NEDD4: variants seen among roughly 807,000 people sequenced by gnomAD.
The protein encoded by NEDD4 is NEDD4 E3 ubiquitin protein ligase.
NEDD4 carries 99 observed loss-of-function variants against 144.9 expected under a neutral mutation model. The ratio of observed to expected loss-of-function variants is 0.68; its 90% CI spans 0.58 to 0.81. The LOEUF (loss-of-function observed/expected upper bound fraction) is 0.81, where lower values mean the gene tolerates loss of function less well. Among genes scored for constraint, NEDD4 ranks in the 30% least tolerant of loss-of-function variants. The pLI, the probability that NEDD4 is intolerant of heterozygous loss-of-function variation, is 0.00. For synonymous variants in NEDD4, 318 were observed against 350.6 expected (o/e 0.91, Z 1.04); for missense variants, 985 against 1,065.9 (o/e 0.92, Z 1.06).
chr15:55,845,521 T>A (rs2033703774), intron 18 of NEDD4, among the ~76,000 whole-genome samples: 1 of 150,758 alleles, frequency 6.6e-6, no homozygotes, highest in Admixed American at 6.7e-5. Context: ...ATTGCTTTTA[T>A]CATGGTTTTT....
intron 27 of NEDD4, among the ~76,000 whole-genome samples, chr15:55,832,068 C>T (rs530081111): frequency 6.6e-5 from 10 of 151,332 alleles, no homozygotes; most frequent in South Asian, 2.1e-4. Flanking sequence ...CTTACTTTAC[C>T]GAAAACTGCA....
chr15:55,963,811 G>A (rs1234206116), intron 2 of NEDD4, among the ~76,000 whole-genome samples: 1 of 152,092 alleles, frequency 6.6e-6, no homozygotes, highest in African/African-American at 2.4e-5. Context: ...TTACAGCACA[G>A]GTCTGCCAAT....
At chr15:55,975,991 C>G (rs574353336) in intron 1 of NEDD4, among the ~76,000 whole-genome samples, 2 of 152,266 alleles carry the variant, frequency 1.3e-5, no homozygotes, top group South Asian at 2.1e-4. Context: ...CTATAGTGAA[C>G]TCCTTTTTGA....
At chr15:55,841,592 CT>C (rs1200976078) in intron 19 of NEDD4, among the ~76,000 whole-genome samples, 16 of 149,160 alleles carry the variant, frequency 1.1e-4, no homozygotes, top group Admixed American at 2.0e-4. Context: ...AAAATGGTAA[CT>C]TTTTTTTTTA....
chr15:55,880,792 G>C (rs1356469583), intron 5 of NEDD4, among the ~76,000 whole-genome samples: 8 of 152,176 alleles, frequency 5.3e-5, no homozygotes, highest in Admixed American at 2.0e-4. Context: ...GAAGAGTAGG[G>C]ATAATCATAT....
intron 2 of NEDD4, among the ~76,000 whole-genome samples, chr15:55,952,019 T>TA (rs761093380): frequency 0.015 from 2,040 of 139,418 alleles, 17 homozygotes; most frequent in Non-Finnish European, 0.019. Context: ...TGCTTTCACT[T>TA]AAAAAAAAAA....
At chr15:55,909,601 C>T (rs567223600) in intron 5 of NEDD4, among the ~76,000 whole-genome samples, 21 of 152,164 alleles carry the variant, frequency 1.4e-4, no homozygotes, top group Admixed American at 3.3e-4. Flanking sequence ...CTCAACACAT[C>T]GCCTGGCCTC....
At chr15:55,841,426 A>G (rs1291443226) in intron 19 of NEDD4, among the ~76,000 whole-genome samples, 1 of 152,214 alleles carries the variant, frequency 6.6e-6, no homozygotes, top group Non-Finnish European at 1.5e-5. Context: ...AGGGACAGAA[A>G]GCAGAATGGT....
intron 4 of NEDD4, among the ~76,000 whole-genome samples, chr15:55,932,496 T>C (rs1282387922): frequency 1.3e-5 from 2 of 152,312 alleles, no homozygotes; most frequent in East Asian, 1.9e-4. Context: ...ATCCCTTCCT[T>C]ACACCTTATA....
intron 2 of NEDD4, among the ~76,000 whole-genome samples, chr15:55,963,375 G>A (rs1441627298): frequency 2.0e-5 from 3 of 151,820 alleles, no homozygotes; most frequent in Non-Finnish European, 4.4e-5. Context: ...CAAGTTCCTG[G>A]CTTTTTTATT....
chr15:55,892,523 G>T (rs1566936297), intron 5 of NEDD4, among the ~76,000 whole-genome samples: 1 of 151,742 alleles, frequency 6.6e-6, no homozygotes, highest in African/African-American at 2.4e-5. Flanking sequence ...AGTATAATTT[G>T]TTTTTTCAGT....
chr15:55,929,979 G>A (rs1327985188), intron 4 of NEDD4, among the ~76,000 whole-genome samples: 1 of 152,008 alleles, frequency 6.6e-6, no homozygotes, highest in Non-Finnish European at 1.5e-5. Flanking sequence ...AAAATTTGTG[G>A]AAATCTCCCC....
Position 55,848,439 on chromosome 15 carries a change from A to G in NEDD4, c.1484-9T>C. On this transcript the variant is annotated splice_polypyrimidine_tract_variant and intron_variant, in intron 16 of 28. Coordinates refer to ENST00000435532, the MANE Select transcript of NEDD4 (RefSeq NM_006154.4). ...TTGTGTTCTTTTTATATCTGAAGGG[A>G]AGAAAAAGAAAAAAGATGTACTTTC... 1 of 1,613,962 alleles carries G rather than the reference A, an allele frequency of 6.2e-7. No individual in the cohort carries two copies. The highest frequency in any genetic ancestry group is 8.5e-7 in the Non-Finnish European group (1 of 1,179,860).
rs1487243825 is a variant in NEDD4 at position 55,843,808 on chromosome 15, T to TTAGCTGGATACTA, written c.1609-1646_1609-1645insTAGTATCCAGCTA. ...AACTTTAGACTGGATACTAGGCAGC[T>TTAGCTGGATACTA]GGTGCAGGTAAGCATTTATCAAAGG... On this transcript the variant is annotated intron_variant, in intron 18 of 28. Transcript: ENST00000435532. Among the ~76,000 whole-genome samples, 38 of 152,230 alleles carry TTAGCTGGATACTA rather than the reference T, an allele frequency of 2.5e-4. No individual in the cohort carries two copies. The Middle Eastern group carries it at 0.01, about 41-fold the overall frequency.
intron 5 of NEDD4, among the ~76,000 whole-genome samples, chr15:55,913,837 C>A (rs530354950): frequency 6.6e-6 from 1 of 152,044 alleles, no homozygotes; most frequent in South Asian, 2.1e-4. Context: ...AATATTTCTA[C>A]ATGAATTATT....
chr15:55,832,141 T>G (rs1383236043), intron 27 of NEDD4, among the ~76,000 whole-genome samples: 1 of 130,776 alleles, frequency 7.6e-6, no homozygotes, highest in Non-Finnish European at 1.6e-5. Flanking sequence ...CCACAAGAAA[T>G]GAAAAATAGT....
chr15:55,964,764 C>T (rs2037485228), intron 2 of NEDD4, among the ~76,000 whole-genome samples: 1 of 147,828 alleles, frequency 6.8e-6, no homozygotes, highest in South Asian at 2.2e-4. Context: ...ATATTTGTAT[C>T]CTTCAAACCG....
chr15:55,880,964 C>A (rs1168520102), intron 5 of NEDD4, among the ~76,000 whole-genome samples: 1 of 152,102 alleles, frequency 6.6e-6, no homozygotes, highest in Non-Finnish European at 1.5e-5. Flanking sequence ...AGTGTGTGGA[C>A]ATTTCAAACA....
intron 5 of NEDD4, among the ~76,000 whole-genome samples, chr15:55,902,315 A>T (rs1275943871): frequency 6.6e-6 from 1 of 152,204 alleles, no homozygotes; most frequent in African/African-American, 2.4e-5. Flanking sequence ...GAATTTTGTC[A>T]ATACTAAAAT....
Sources: gnomAD v4.1 joint callset for allele counts (sites outside exome capture counted in the v4.1 genomes callset) on GRCh38, gnomAD v4.1.1 for gene constraint, MANE v1.5 for transcripts, NCBI Gene and HGNC (gene_info 2026-07-23, HGNC 2026-07-21) for gene names.